Variants in KBTBD11 observed in about 807,000 individuals in gnomAD.
KBTBD11 encodes kelch repeat and BTB domain-containing protein 11.
For synonymous variants in KBTBD11, 747 were observed against 499.0 expected, an observed-to-expected ratio of 1.50 and a Z score of -6.63; for missense variants, 1,390 against 1,001.8, an observed-to-expected ratio of 1.39 and a Z score of -5.23.
At position 2,003,009 on chromosome 8, in the gene KBTBD11, C is replaced by T. The variant is rs1181990630; in HGVS notation, c.1817C>T (p.Pro606Leu). The T allele has an allele frequency of 1.8e-5, 23 of 1,293,348 alleles. 1 individual carries two copies. Among genetic ancestry groups the T allele is most frequent in the Non-Finnish European group, 2.2e-5 (22 of 1,020,690 alleles). The allele number at this position is 1,293,348 out of a possible 1,614,324, so 80.1% of individuals were successfully genotyped here. The change falls in exon 2 of 2, where the codon CCG becomes CTG. Residue 606 changes from proline (P) to leucine (L), a missense_variant. Physicochemically the swap from Pro to Leu is moderately conservative, Grantham distance 98. Transcript: ENST00000320248. ...TTGGACGTCCGGGGTGTGCTCATCCCGTTCGCTCTCAGCCTGCCTGAGAAG... is the reference window on the plus strand; with the variant it reads ...TTGGACGTCCGGGGTGTGCTCATCCTGTTCGCTCTCAGCCTGCCTGAGAAG... ...APLDVRGVLI[P>L]FALSLPEKPP...
chr8:1,999,020 G>A (rs1817247733), intron 1 of KBTBD11, among the ~76,000 whole-genome samples: 1 of 152,188 alleles, frequency 6.6e-6, no homozygotes, highest in African/African-American at 2.4e-5. Flanking sequence ...TATTGTCTGT[G>A]ACCTACCCTG....
intron 1 of KBTBD11, among the ~76,000 whole-genome samples, chr8:1,985,047 A>G (rs960217956): frequency 1.3e-5 from 2 of 152,196 alleles, no homozygotes; most frequent in African/African-American, 4.8e-5. Flanking sequence ...CATCCACAGT[A>G]TGCCCTGGGT....
intron 1 of KBTBD11, among the ~76,000 whole-genome samples, chr8:1,995,277 G>A (rs948525467): frequency 4.6e-5 from 7 of 151,988 alleles, no homozygotes; most frequent in Non-Finnish European, 8.8e-5. Context: ...GTAGTATCTC[G>A]TTGCTTGAAC....
At chr8:1,991,004 CGGGG>C in intron 1 of KBTBD11, among the ~76,000 whole-genome samples, 1 of 6,770 alleles carries the variant, frequency 1.5e-4, no homozygotes, top group African/African-American at 1.4e-3. Context: ...GTAGATGCTG[CGGGG>C]CCTTGGCGCC....
chr8:2,002,158 C>T lies in KBTBD11; in HGVS notation c.966C>T (p.Arg322=), dbSNP rs1374944964. 3 of 1,191,608 alleles carry T rather than the reference C, an allele frequency of 2.5e-6. No individual in the cohort carries two copies. The highest frequency in any genetic ancestry group is 3.1e-6 in the Non-Finnish European group (3 of 964,918). The allele number at this position is 1,191,608 out of a possible 1,614,324, so 73.8% of individuals were successfully genotyped here. A position where few individuals can be genotyped will look rare whatever the true frequency, so the allele number is the denominator to read the frequency against. ...GCCCCTCGGGGGACGCGGACGCGCG[C>T]GGGGACGCGGCCGTCTACTGCTTCC... ...PQSPSGDADA[R]GDAAVYCFHA... The change falls in exon 2 of 2, where the codon CGC becomes CGT. Residue 322 remains arginine (R), a synonymous_variant. Transcript: ENST00000320248. This position sits in a 1 kb window ranked among gnomAD's most constrained non-coding sequence, Gnocchi z 4.1.
intron 1 of KBTBD11, among the ~76,000 whole-genome samples, chr8:1,977,668 C>G (rs906115904): frequency 4.7e-5 from 7 of 148,490 alleles, no homozygotes; most frequent in African/African-American, 1.8e-4. Context: ...GGATTACAGG[C>G]GCCCTCCAGC....
intron 1 of KBTBD11, among the ~76,000 whole-genome samples, chr8:1,984,768 C>T (rs778341549): frequency 2.0e-5 from 3 of 152,060 alleles, no homozygotes; most frequent in Non-Finnish European, 4.4e-5. Context: ...AGTTTAGTGG[C>T]ATCTCCTGCA....
At chr8:1,980,187 C>A (rs927801871) in intron 1 of KBTBD11, among the ~76,000 whole-genome samples, 1 of 149,998 alleles carries the variant, frequency 6.7e-6, no homozygotes, top group African/African-American at 2.5e-5. Context: ...GAGGCCCAGT[C>A]TGTGTGCCAG....
intron 1 of KBTBD11, among the ~76,000 whole-genome samples, chr8:1,990,104 G>T (rs999056168): frequency 2.0e-5 from 3 of 152,218 alleles, no homozygotes; most frequent in Admixed American, 6.5e-5. Context: ...GAAGACGCTG[G>T]TAGATCTGCC....
chr8:2,004,877 G>C lies in KBTBD11; in HGVS notation c.*1813G>C, dbSNP rs778437178. 1.2e-5 allele frequency: 2 copies of C among 167,010 alleles called. No homozygotes were observed. The highest frequency in any genetic ancestry group is 2.9e-5 in the Non-Finnish European group (2 of 68,122). The allele number at this position is 167,010 out of a possible 1,614,324, so 10.3% of individuals were successfully genotyped here. On this transcript the variant is annotated 3_prime_UTR_variant, in exon 2 of 2. Coordinates refer to ENST00000320248, the MANE Select transcript of KBTBD11 (RefSeq NM_014867.3). ...TTTTAAGCAATGTACCATTCACACTGTCCTGCCTTTTCCTCTAGAATTTTA... is the reference window on the plus strand; with the variant it reads ...TTTTAAGCAATGTACCATTCACACTCTCCTGCCTTTTCCTCTAGAATTTTA...
At chr8:1,985,043 C>G (rs7824751) in intron 1 of KBTBD11, among the ~76,000 whole-genome samples, 5,070 of 152,322 alleles carry the variant, frequency 0.033, 304 homozygotes, top group African/African-American at 0.12. Flanking sequence ...GGGGCATCCA[C>G]AGTATGCCCT....
At chr8:1,987,091 G>C (rs1816730190) in intron 1 of KBTBD11, among the ~76,000 whole-genome samples, 1 of 149,648 alleles carries the variant, frequency 6.7e-6, no homozygotes, top group Non-Finnish European at 1.5e-5. Flanking sequence ...GTGGTGAACA[G>C]AGACACTGGA....
chr8:1,978,519 G>C (rs1201234688), intron 1 of KBTBD11, among the ~76,000 whole-genome samples: 2 of 152,222 alleles, frequency 1.3e-5, no homozygotes, highest in Non-Finnish European at 2.9e-5. Context: ...CAGCCTTGAT[G>C]CAGTGGACTC....
At chr8:1,987,027 A>AC (rs1301836718) in intron 1 of KBTBD11, among the ~76,000 whole-genome samples, 1 of 144,040 alleles carries the variant, frequency 6.9e-6, no homozygotes, top group African/African-American at 2.5e-5. Flanking sequence ...AAAAAAAAAA[A>AC]AAAAAACCAC....
chr8:2,001,213 C>T lies in KBTBD11; in HGVS notation c.21C>T (p.Pro7=), dbSNP rs986058064. 8.5e-6 allele frequency: 12 copies of T among 1,406,678 alleles called. No individual in the cohort carries two copies. The highest frequency in any genetic ancestry group is 1.1e-5 in the Non-Finnish European group (12 of 1,078,414). 87.1% of individuals were successfully genotyped at this position (1,406,678 alleles called of 1,614,324 possible). A position where few individuals can be genotyped will look rare whatever the true frequency, so the allele number is the denominator to read the frequency against. MEHAVA[P]CVLYPGTEPG... ...CGGCCATGGAGCACGCGGTGGCCCC[C>T]TGCGTCCTCTACCCAGGGACTGAGC... Residue 7 remains proline (P), a synonymous_variant, in exon 2 of 2, where the codon CCC becomes CCT. Coordinates refer to ENST00000320248, the MANE Select transcript of KBTBD11 (RefSeq NM_014867.3).
chr8:1,992,341 C>T (rs7836973), intron 1 of KBTBD11, among the ~76,000 whole-genome samples: 16,621 of 152,044 alleles, frequency 0.11, 1,123 homozygotes, highest in Admixed American at 0.19. Context: ...ATGTTAATTC[C>T]TCCACGTGAC....
chr8:2,001,818 C>T lies in KBTBD11; in HGVS notation c.626C>T (p.Ala209Val). 1 of 1,221,880 alleles carries T rather than the reference C, an allele frequency of 8.2e-7. No individual in the cohort carries two copies. Among genetic ancestry groups the T allele is most frequent in the Non-Finnish European group, 1.0e-6 (1 of 985,088 alleles). 75.7% of individuals were successfully genotyped at this position (1,221,880 alleles called of 1,614,324 possible). A position where few individuals can be genotyped will look rare whatever the true frequency, so the allele number is the denominator to read the frequency against. Residue 209 changes from alanine to valine, a missense_variant, in exon 2 of 2, where the codon GCC becomes GTC. Physicochemically the swap from Ala to Val is moderately conservative, Grantham distance 64. Coordinates refer to ENST00000320248, the MANE Select transcript of KBTBD11 (RefSeq NM_014867.3). ...VRPDNVAEVVAGARRLQLPGA... is the reference protein window; with the variant it reads ...VRPDNVAEVVVGARRLQLPGA... ...CCCGACAACGTGGCCGAGGTGGTGG[C>T]CGGCGCGCGCCGCCTGCAGCTGCCC...
intron 1 of KBTBD11, among the ~76,000 whole-genome samples, chr8:1,986,301 C>G (rs1028506763): frequency 2.0e-5 from 3 of 152,188 alleles, no homozygotes; most frequent in African/African-American, 7.2e-5. Flanking sequence ...TTTGATGATG[C>G]AGGTGCAGTA....
At chr8:1,981,222 G>T (rs1816530008) in intron 1 of KBTBD11, among the ~76,000 whole-genome samples, 1 of 152,200 alleles carries the variant, frequency 6.6e-6, no homozygotes, top group Admixed American at 6.5e-5. Flanking sequence ...GGGAGAGAAA[G>T]ACTTTGCCAA....
Sources: gnomAD v4.1 joint callset for allele counts (sites outside exome capture counted in the v4.1 genomes callset) on GRCh38, gnomAD v4.1.1 for gene constraint, Gnocchi (gnomAD v3.1) non-coding constraint, MANE v1.5 for transcripts, NCBI Gene and HGNC (gene_info 2026-07-23, HGNC 2026-07-21) for gene names.